SMYD3: variants seen among roughly 807,000 people sequenced by gnomAD.
SMYD3 encodes the protein histone-lysine N-methyltransferase SMYD3.
In SMYD3, 36 loss-of-function variants were observed where a neutral mutation model predicts 57.7. The ratio of observed to expected loss-of-function variants is 0.62; its 90% CI spans 0.48 to 0.82. SMYD3 has a LOEUF of 0.82. Ranked by LOEUF, SMYD3 falls within the 40% of genes least tolerant of loss-of-function variation. The pLI, the probability that SMYD3 is intolerant of heterozygous loss-of-function variation, is 0.00. For synonymous variants in SMYD3, 211 were observed against 195.0 expected (o/e 1.08, Z -0.68); for missense variants, 515 against 538.8 (o/e 0.96, Z 0.44).
At chr1:245,932,797 A>G (rs1049751496) in intron 5 of SMYD3, among the ~76,000 whole-genome samples, 1 of 152,180 alleles carries the variant, frequency 6.6e-6, no homozygotes, top group Admixed American at 6.5e-5. Context: ...CCTGGCCTCA[A>G]GTGGTCCTCC....
intron 5 of SMYD3, among the ~76,000 whole-genome samples, chr1:246,135,497 T>C (rs891912531): frequency 3.9e-5 from 6 of 152,038 alleles, no homozygotes; most frequent in African/African-American, 1.4e-4. Context: ...TCCTGAGTCA[T>C]CTCAAGATAA....
intron 5 of SMYD3, among the ~76,000 whole-genome samples, chr1:246,189,870 G>T (rs1357539004): frequency 1.3e-5 from 2 of 152,132 alleles, no homozygotes; most frequent in African/African-American, 4.8e-5. Flanking sequence ...ATTTGTATGT[G>T]CTTAGGAGAC....
At chr1:245,854,919 T>G (rs1440382886) in intron 10 of SMYD3, among the ~76,000 whole-genome samples, 1 of 152,178 alleles carries the variant, frequency 6.6e-6, no homozygotes, top group African/African-American at 2.4e-5. Context: ...TGGCGAAGGT[T>G]AGGATTACTG....
chr1:245,925,672 A>G (rs945821500), intron 7 of SMYD3, among the ~76,000 whole-genome samples: 1 of 152,230 alleles, frequency 6.6e-6, no homozygotes, highest in African/African-American at 2.4e-5. Context: ...TCAATATAAT[A>G]GAGAGTCGAT....
chr1:246,004,473 T>C (rs996684382), intron 5 of SMYD3, among the ~76,000 whole-genome samples: 3 of 152,160 alleles, frequency 2.0e-5, no homozygotes, highest in Non-Finnish European at 4.4e-5. Context: ...CCATAAAAGT[T>C]GTCCTGGTTT....
At chr1:245,801,852 G>A (rs1362819935) in intron 10 of SMYD3, among the ~76,000 whole-genome samples, 4 of 151,440 alleles carry the variant, frequency 2.6e-5, no homozygotes, top group Admixed American at 2.6e-4. Flanking sequence ...CTCTGTGGAA[G>A]GATCTACAAA....
intron 5 of SMYD3, among the ~76,000 whole-genome samples, chr1:246,307,422 T>A (rs1192698132): frequency 7.1e-6 from 1 of 140,024 alleles, no homozygotes; most frequent in Admixed American, 7.0e-5. Flanking sequence ...TCTTTTTTTT[T>A]TTTTTTTTTT....
intron 1 of SMYD3, among the ~76,000 whole-genome samples, chr1:246,393,439 T>G (rs190668433): frequency 3.9e-4 from 60 of 152,220 alleles, no homozygotes; most frequent in Non-Finnish European, 3.1e-4. Flanking sequence ...TTCATCTATT[T>G]CTCTCAACCA....
chr1:246,423,683 T>C (rs995856736), intron 1 of SMYD3, among the ~76,000 whole-genome samples: 1 of 151,912 alleles, frequency 6.6e-6, no homozygotes, highest in African/African-American at 2.4e-5. Context: ...AAAAAAAAGA[T>C]AGCCTGCACT....
At chr1:246,215,663 G>A (rs2063152901) in intron 5 of SMYD3, among the ~76,000 whole-genome samples, 1 of 152,084 alleles carries the variant, frequency 6.6e-6, no homozygotes, top group South Asian at 2.1e-4. Context: ...TCATGCAGCT[G>A]GGCTGAGCAG....
chr1:246,383,542 G>A (rs1272198497), intron 1 of SMYD3, among the ~76,000 whole-genome samples: 1 of 152,196 alleles, frequency 6.6e-6, no homozygotes, highest in East Asian at 1.9e-4. Flanking sequence ...TGGAATTACA[G>A]ACAATTATTT....
At chr1:246,451,508 C>T (rs2067631856) in intron 1 of SMYD3, among the ~76,000 whole-genome samples, 1 of 152,088 alleles carries the variant, frequency 6.6e-6, no homozygotes, top group Non-Finnish European at 1.5e-5. Flanking sequence ...ATGTAGGGCA[C>T]AGGGGATTCA....
chr1:245,791,855 C>T (rs913620981), intron 10 of SMYD3, among the ~76,000 whole-genome samples: 1 of 152,102 alleles, frequency 6.6e-6, no homozygotes, highest in African/African-American at 2.4e-5. Flanking sequence ...CTCCCTTCCC[C>T]ATTATCAGCT....
intron 11 of SMYD3, among the ~76,000 whole-genome samples, chr1:245,756,537 G>A (rs1205522715): frequency 2.6e-5 from 4 of 151,882 alleles, no homozygotes; most frequent in Non-Finnish European, 4.4e-5. Flanking sequence ...TTTACAGTAA[G>A]TCTGCTAGCG....
At position 246,139,168 on chromosome 1, in the gene SMYD3, T is replaced by C. The variant is rs1026778711; in HGVS notation, c.531+188033A>G. On this transcript the variant is annotated intron_variant, in intron 5 of 11. Coordinates refer to ENST00000490107, the MANE Select transcript of SMYD3 (RefSeq NM_001167740.2). ...TACATTAATGTCTGATTAAGCTTCC[T>C]GGGAAATTTTAATTGTTCATAGACC... Among the ~76,000 whole-genome samples the C allele has an allele frequency of 3.9e-5, 6 of 152,336 alleles. 1 individual carries two copies. The highest frequency in any genetic ancestry group is 6.8e-3 in the Middle Eastern group (2 of 294).
At chr1:246,269,542 TC>T (rs67357461) in intron 5 of SMYD3, among the ~76,000 whole-genome samples, 98 of 104,964 alleles carry the variant, frequency 9.3e-4, no homozygotes, top group African/African-American at 2.6e-3. Context: ...TCTTTTTTTT[TC>T]TTTTTTTTTT....
intron 5 of SMYD3, 174 bp downstream of exon 5, chr1:246,327,027 C>T (rs1252299797): frequency 1.4e-6 from 1 of 707,480 alleles, no homozygotes; most frequent in Non-Finnish European, 2.3e-6. Flanking sequence ...TCATACCCTT[C>T]TCAATGCACA....
chr1:246,379,774 T>A (rs2066357779), intron 1 of SMYD3, among the ~76,000 whole-genome samples: 1 of 152,306 alleles, frequency 6.6e-6, no homozygotes, highest in African/African-American at 2.4e-5. Flanking sequence ...CCAAGGCGGA[T>A]GGATCACTTA....
At position 246,259,035 on chromosome 1, in the gene SMYD3, T is replaced by A. The variant is rs113508747; in HGVS notation, c.531+68166A>T. Among the ~76,000 whole-genome samples, 254 of 152,340 alleles carry A rather than the reference T, an allele frequency of 1.7e-3. 1 individual carries two copies. The highest frequency in any genetic ancestry group is 5.7e-3 in the African/African-American group (236 of 41,582). ...TAAAACTTTGAATTGTATTTTTAAA[T>A]TTCTTAAGTGAGTTTTTCAATTCCA... On this transcript the variant is annotated intron_variant, in intron 5 of 11. Transcript: ENST00000490107.
Sources: allele counts gnomAD v4.1 joint callset (sites outside exome capture counted in the v4.1 genomes callset), GRCh38; gene constraint gnomAD v4.1.1; transcripts MANE v1.5; gene names NCBI Gene and HGNC (gene_info 2026-07-23, HGNC 2026-07-21).